Variants in RUFY3 observed in about 807,000 individuals in gnomAD.
RUFY3 encodes the protein protein RUFY3.
In RUFY3, 34 loss-of-function variants were observed where a neutral mutation model predicts 84.0. That is an observed-to-expected ratio of 0.40 (90% CI 0.31 to 0.54). RUFY3 has a LOEUF of 0.54. Among genes scored for constraint, RUFY3 ranks in the 20% least tolerant of loss-of-function variants. RUFY3 has a pLI of 0.39. For missense variants in RUFY3, 507 were observed against 736.8 expected (o/e 0.69, Z 3.61); for synonymous variants, 242 against 252.9 (o/e 0.96, Z 0.41).
Position 70,764,528 on chromosome 4 carries a change from A to G in RUFY3, c.524A>G (p.Lys175Arg). The G allele has an allele frequency of 6.2e-7, 1 of 1,613,892 alleles. No individual in the cohort carries two copies. The highest frequency in any genetic ancestry group is 2.2e-5 in the East Asian group (1 of 44,876). Residue 175 changes from lysine (K) to arginine (R), a missense_variant, in exon 4 of 18, where the codon AAA becomes AGA. By Grantham distance (26) the Lys-to-Arg change is conservative. Around this residue, in one of 4 missense-constraint regions of RUFY3, gnomAD observed 133 missense variants for 301.1 expected, o/e 0.44. Transcript: ENST00000381006. ...CTTCGTTTGGCATTAATGCAAAAGA[A>G]ACTTTCAGAATATATGAAAGCTTTG... The part of the protein sequence containing the change: ...AWLRLALMQK[K>R]LSEYMKALIN...
chr4:70,705,500 C>T (rs1409641105), intron 1 of RUFY3, among the ~76,000 whole-genome samples: 1 of 152,142 alleles, frequency 6.6e-6, no homozygotes, highest in Non-Finnish European at 1.5e-5. Flanking sequence ...GTTCGGGCGC[C>T]GGATTCTACC....
intron 1 of RUFY3, among the ~76,000 whole-genome samples, chr4:70,714,423 C>T (rs1288756540): frequency 6.6e-6 from 1 of 152,208 alleles, no homozygotes; most frequent in Non-Finnish European, 1.5e-5. Context: ...CTAAAATTGT[C>T]TGTTTCTTGT....
chr4:70,768,671 A>T lies in RUFY3; in HGVS notation c.696+10A>T. ...AGACTTGGACTCTCAGGTATGGGAA[A>T]GAGACTCATTCCCATGGGTGTCACT... On this transcript the variant is annotated intron_variant, in intron 5 of 17. Coordinates refer to ENST00000381006, the MANE Select transcript of RUFY3 (RefSeq NM_001037442.4). 1 of 1,612,540 alleles carries T rather than the reference A, an allele frequency of 6.2e-7. No homozygotes were observed. The highest frequency in any genetic ancestry group is 8.5e-7 in the Non-Finnish European group (1 of 1,179,216).
At chr4:70,792,019 A>G (rs1374461918) in intron 12 of RUFY3, 3 of 985,272 alleles carry the variant, frequency 3.0e-6, no homozygotes, top group East Asian at 1.1e-4. Flanking sequence ...ACGCCTGGGG[A>G]AACCCTCCTC....
At chr4:70,792,589 G>C in intron 12 of RUFY3, 1 of 985,228 alleles carries the variant, frequency 1.0e-6, no homozygotes, top group Non-Finnish European at 1.2e-6. Flanking sequence ...CAAAATACTT[G>C]GGTTTTTTTC....
Position 70,722,528 on chromosome 4 carries a change from AGTGT to A in RUFY3, c.-37_-34del, listed in dbSNP as rs768539757. Reference sequence around the variant, plus strand: ...TTTATTTTTTTGGTGTGTGTGTGTGAGTGTGTGTGTGTCTGTGTGTGTGTTGTGG... The same window carrying A: ...TTTATTTTTTTGGTGTGTGTGTGTGAGTGTGTGTCTGTGTGTGTGTTGTGG... On this transcript the variant is annotated 5_prime_UTR_variant, in exon 1 of 18. Transcript: ENST00000381006. 3.2e-6 allele frequency: 5 copies of A among 1,540,072 alleles called. No homozygotes were observed. Among genetic ancestry groups the A allele is most frequent in the East Asian group, 2.3e-5 (1 of 43,070 alleles).
At chr4:70,800,282 T>C in intron 15 of RUFY3, 77 bp downstream of exon 15, 1 of 1,079,310 alleles carries the variant, frequency 9.3e-7, no homozygotes, top group South Asian at 1.5e-5. Flanking sequence ...TTTATATACA[T>C]TGGCATTGAC....
chr4:70,721,289 G>A (rs2148582990), upstream of RUFY3, among the ~76,000 whole-genome samples: 1 of 151,196 alleles, frequency 6.6e-6, no homozygotes, highest in East Asian at 1.9e-4. Context: ...GCAAGACTCT[G>A]TCTCAAAAAA....
At position 70,800,185 on chromosome 4, in the gene RUFY3, GCCCC is replaced by G; in HGVS notation, c.1603_1606del (p.Pro535TrpfsTer36). Reference sequence around the variant, plus strand: ...AAGAGGAAAATGTTAAACTAAAAAAGCCCCTGGAAGAAAGCCACAGGTGTTTGTT... The same window carrying G: ...AAGAGGAAAATGTTAAACTAAAAAAGTGGAAGAAAGCCACAGGTGTTTGTT... On this transcript the variant is annotated frameshift_variant, in exon 15 of 18. Coordinates refer to ENST00000381006, the MANE Select transcript of RUFY3 (RefSeq NM_001037442.4). LOFTEE classifies it high-confidence loss of function. The G allele has an allele frequency of 6.2e-7, 1 of 1,605,988 alleles. No homozygotes were observed. The highest frequency in any genetic ancestry group is 8.5e-7 in the Non-Finnish European group (1 of 1,177,900).
intron 1 of RUFY3, among the ~76,000 whole-genome samples, chr4:70,747,925 T>G (rs910635750): frequency 2.6e-5 from 4 of 152,180 alleles, no homozygotes; most frequent in Admixed American, 1.3e-4. Flanking sequence ...TTGCCCTTTA[T>G]CTCCATAACA....
At chr4:70,790,544 G>T (rs1171335772) in intron 12 of RUFY3, among the ~76,000 whole-genome samples, 1 of 152,144 alleles carries the variant, frequency 6.6e-6, no homozygotes, top group Non-Finnish European at 1.5e-5. Context: ...CACCTCCCCA[G>T]AGTTTCCTCT....
chr4:70,784,708 CT>C (rs1432027261), intron 9 of RUFY3, 87 bp from the exon 10 acceptor site: 8 of 750,074 alleles, frequency 1.1e-5, no homozygotes, highest in African/African-American at 3.6e-5. Flanking sequence ...TCAGTATGAT[CT>C]TTTTTTCTTG....
intron 7 of RUFY3, among the ~76,000 whole-genome samples, chr4:70,776,430 CTA>C (rs1727979043): frequency 6.6e-6 from 1 of 152,178 alleles, no homozygotes; most frequent in South Asian, 2.1e-4. Flanking sequence ...CCTTAAATGA[CTA>C]TGGCTATTCT....
chr4:70,771,199 T>C (rs950566168), intron 5 of RUFY3, among the ~76,000 whole-genome samples: 1 of 152,022 alleles, frequency 6.6e-6, no homozygotes, highest in Admixed American at 6.6e-5. Context: ...GAGCACATGC[T>C]GTTGGAAAAA....
upstream of RUFY3, among the ~76,000 whole-genome samples, chr4:70,718,008 G>A (rs1741819459): frequency 6.7e-6 from 1 of 150,032 alleles, no homozygotes; most frequent in Non-Finnish European, 1.5e-5. Context: ...TCAGCCTCCT[G>A]AGTAGCTGGG....
At chr4:70,730,791 C>T (rs547202948) in intron 1 of RUFY3, among the ~76,000 whole-genome samples, 5 of 152,076 alleles carry the variant, frequency 3.3e-5, no homozygotes, top group South Asian at 2.1e-4. Flanking sequence ...GTGTAATAAC[C>T]GGTAGAGGCA....
At chr4:70,791,044 A>G (rs1163332724) in intron 12 of RUFY3, among the ~76,000 whole-genome samples, 1 of 152,226 alleles carries the variant, frequency 6.6e-6, no homozygotes, top group Non-Finnish European at 1.5e-5. Flanking sequence ...TGCTTTTGAA[A>G]TGAAATGTAT....
At chr4:70,756,536 T>C (rs933094119) in intron 1 of RUFY3, among the ~76,000 whole-genome samples, 2 of 152,216 alleles carry the variant, frequency 1.3e-5, no homozygotes, top group African/African-American at 4.8e-5. Flanking sequence ...GTGTATGTTA[T>C]GTTCTTCCAT....
intron 6 of RUFY3, among the ~76,000 whole-genome samples, 196 bp from the exon 7 acceptor site, chr4:70,774,972 T>C (rs1727680179): frequency 6.6e-6 from 1 of 151,986 alleles, no homozygotes; most frequent in South Asian, 2.1e-4. Flanking sequence ...AGTGAGGGGT[T>C]TTGTCATTTT....
Sources: gnomAD v4.1 joint callset for allele counts (sites outside exome capture counted in the v4.1 genomes callset) on GRCh38, gnomAD v4.1.1 for gene constraint, gnomAD v4.1.1 regional missense constraint, MANE v1.5 for transcripts, NCBI Gene and HGNC (gene_info 2026-07-23, HGNC 2026-07-21) for gene names.